The following THSD4 variants were observed in gnomAD, a reference collection of about 807,000 sequenced individuals.
THSD4 encodes thrombospondin type 1 domain containing 4, also known as thrombospondin type-1 domain-containing protein 4.
THSD4 carries 69 observed loss-of-function variants against 119.0 expected under a neutral mutation model. The observed-to-expected ratio is 0.58, with a 90% CI of 0.48 to 0.71. The LOEUF (loss-of-function observed/expected upper bound fraction) is 0.71, where lower values mean the gene tolerates loss of function less well. THSD4 is among the 30% of genes least tolerant of loss of function. The pLI is 0.00. For synonymous variants in THSD4, 524 were observed against 540.4 expected, an observed-to-expected ratio of 0.97 and a Z score of 0.42; for missense variants, 1,393 against 1,391.1, an observed-to-expected ratio of 1.00 and a Z score of -0.02.
At chr15:71,163,024 C>T (rs184761418) in intron 3 of THSD4, among the ~76,000 whole-genome samples, 17 of 151,932 alleles carry the variant, frequency 1.1e-4, no homozygotes, top group East Asian at 3.9e-4. Flanking sequence ...ATTCGGCTCA[C>T]GAATTGTTTT....
At chr15:71,480,389 C>G (rs2047712263) in intron 7 of THSD4, among the ~76,000 whole-genome samples, 1 of 152,150 alleles carries the variant, frequency 6.6e-6, no homozygotes, top group African/African-American at 2.4e-5. Context: ...AAATATAGAT[C>G]ATTGTCATTA....
intron 6 of THSD4, chr15:71,341,105 CCT>C: frequency 1.6e-6 from 2 of 1,231,080 alleles, no homozygotes; most frequent in East Asian, 2.3e-5. Flanking sequence ...TTCTGTCTTC[CCT>C]CTCTCTCCCT....
chr15:71,560,157 A>G (rs2049090391), intron 7 of THSD4, among the ~76,000 whole-genome samples: 1 of 152,232 alleles, frequency 6.6e-6, no homozygotes, highest in Admixed American at 6.5e-5. Context: ...AGCAACAGAA[A>G]GAATGCTGAA....
At chr15:71,450,899 C>T (rs866496478) in intron 7 of THSD4, among the ~76,000 whole-genome samples, 74 of 152,260 alleles carry the variant, frequency 4.9e-4, no homozygotes, top group Middle Eastern at 3.4e-3. Context: ...GGCTAGGAGC[C>T]GGGCGTGGCG....
chr15:71,268,047 T>A (rs960338744), intron 6 of THSD4, among the ~76,000 whole-genome samples: 7 of 152,132 alleles, frequency 4.6e-5, no homozygotes. Context: ...ATTAGACAGA[T>A]CAACGAGACA....
intron 7 of THSD4, among the ~76,000 whole-genome samples, chr15:71,549,091 A>T (rs2048886560): frequency 1.3e-5 from 2 of 152,270 alleles, no homozygotes. Flanking sequence ...AGCAAAGCAG[A>T]TGAAAAATGA....
intron 8 of THSD4, among the ~76,000 whole-genome samples, chr15:71,673,100 T>A (rs754010561): frequency 1.2e-4 from 18 of 152,264 alleles, no homozygotes; most frequent in Non-Finnish European, 2.6e-4. Context: ...AGAATTCGGC[T>A]GTGAATCCGC....
chr15:71,585,307 T>C (rs2049643188), intron 7 of THSD4, among the ~76,000 whole-genome samples: 1 of 152,238 alleles, frequency 6.6e-6, no homozygotes, highest in South Asian at 2.1e-4. Flanking sequence ...AATCTCTTTG[T>C]CATTGTAATT....
intron 15 of THSD4, 135 bp downstream of exon 15, chr15:71,758,210 G>A (rs903612835): frequency 4.5e-6 from 5 of 1,119,764 alleles, no homozygotes; most frequent in Non-Finnish European, 6.2e-6. Flanking sequence ...TGTGACCCTG[G>A]AGAAGCTATT....
At chr15:71,705,404 A>G (rs549755199) in intron 8 of THSD4, among the ~76,000 whole-genome samples, 4 of 152,306 alleles carry the variant, frequency 2.6e-5, no homozygotes, top group African/African-American at 7.2e-5. Flanking sequence ...ACTGACTTCT[A>G]TTGTTAATGA....
At chr15:71,368,433 C>T (rs2140431168) in intron 6 of THSD4, among the ~76,000 whole-genome samples, 1 of 152,286 alleles carries the variant, frequency 6.6e-6, no homozygotes, top group Admixed American at 6.5e-5. Context: ...ACATTTAAGT[C>T]TTGAATCCAT....
At chr15:71,519,414 T>C (rs1196443608) in intron 7 of THSD4, among the ~76,000 whole-genome samples, 1 of 152,186 alleles carries the variant, frequency 6.6e-6, no homozygotes, top group African/African-American at 2.4e-5. Flanking sequence ...CAAGCTGGAG[T>C]GCAGTGGTGT....
At chr15:71,740,970 T>G (rs923943423) in intron 11 of THSD4, among the ~76,000 whole-genome samples, 2 of 152,160 alleles carry the variant, frequency 1.3e-5, no homozygotes, top group African/African-American at 4.8e-5. Context: ...ATATACACTT[T>G]GCAACTTCTG....
intron 1 of THSD4, among the ~76,000 whole-genome samples, chr15:71,109,510 C>T (rs775453417): frequency 1.1e-4 from 16 of 152,106 alleles, no homozygotes; most frequent in Non-Finnish European, 2.1e-4. Flanking sequence ...TGGTGTGAGC[C>T]CGTCCCATTC....
chr15:71,612,320 C>T (rs544702045), intron 7 of THSD4, among the ~76,000 whole-genome samples: 13 of 152,278 alleles, frequency 8.5e-5, no homozygotes, highest in South Asian at 4.1e-4. Flanking sequence ...AATCACCCCC[C>T]GGTGGGATTG....
chr15:71,609,713 A>C (rs1461651905), intron 7 of THSD4, among the ~76,000 whole-genome samples: 1 of 152,046 alleles, frequency 6.6e-6, no homozygotes, highest in African/African-American at 2.4e-5. Context: ...TTAGCCGGGC[A>C]TGGTGGCAGG....
chr15:71,435,028 A>T (rs1030693754), intron 7 of THSD4, among the ~76,000 whole-genome samples: 25 of 152,354 alleles, frequency 1.6e-4, no homozygotes, highest in African/African-American at 5.8e-4. Context: ...AAAGAAACTT[A>T]AAGATGAGCT....
At chr15:71,232,553 G>A (rs1189389209) in intron 4 of THSD4, among the ~76,000 whole-genome samples, 1 of 152,014 alleles carries the variant, frequency 6.6e-6, no homozygotes, top group Non-Finnish European at 1.5e-5. Context: ...TGGTGTTTAT[G>A]TTGGGCTGGA....
chr15:71,495,329 A>C (rs765441817), intron 7 of THSD4, among the ~76,000 whole-genome samples: 35 of 152,134 alleles, frequency 2.3e-4, no homozygotes, highest in Non-Finnish European at 1.8e-4. Context: ...TTAACCAGAG[A>C]AGAAAGCCCG....
Sources: gnomAD v4.1 joint callset for allele counts (sites outside exome capture counted in the v4.1 genomes callset) on GRCh38, gnomAD v4.1.1 for gene constraint, MANE v1.5 for transcripts, NCBI Gene and HGNC (gene_info 2026-07-23, HGNC 2026-07-21) for gene names.